The following MPRIP variants were observed in gnomAD, a reference collection of about 807,000 sequenced individuals.
MPRIP encodes the protein myosin phosphatase Rho interacting protein.
MPRIP carries 59 observed loss-of-function variants against 234.9 expected under a neutral mutation model. The ratio of observed to expected loss-of-function variants is 0.25; its 90% CI spans 0.20 to 0.31. The LOEUF is 0.31. MPRIP is among the 10% of genes least tolerant of loss of function. The pLI, the probability that MPRIP is intolerant of heterozygous loss-of-function variation, is 1.00. For missense variants in MPRIP, 2,436 were observed against 3,071.0 expected, an observed-to-expected ratio of 0.79 and a Z score of 4.89; for synonymous variants, 1,144 against 1,263.9, an observed-to-expected ratio of 0.91 and a Z score of 2.01.
At chr17:17,096,083 T>C (rs1437608925) in intron 3 of MPRIP, among the ~76,000 whole-genome samples, 4 of 152,232 alleles carry the variant, frequency 2.6e-5, no homozygotes, top group Non-Finnish European at 5.9e-5. Flanking sequence ...TGTGTTTAAC[T>C]GGAGGCCCCT....
Position 17,185,761 on chromosome 17 carries a change from T to A in MPRIP, c.*867T>A. On this transcript the variant is annotated 3_prime_UTR_variant, in exon 24 of 24. Transcript: ENST00000651222. ...GGTTTGGGGGTTTGGGTTTTTTTTT[T>A]ACCTTTTGGAAAAGAAACCGTCACA... The A allele has an allele frequency of 2.9e-6, 1 of 341,678 alleles. No homozygotes were observed. Among genetic ancestry groups the A allele is most frequent in the Non-Finnish European group, 5.8e-6 (1 of 173,868 alleles). The allele number at this position is 341,678 out of a possible 1,614,324, so 21.2% of individuals were successfully genotyped here.
At chr17:17,124,316 G>A (rs1246193990) in intron 3 of MPRIP, among the ~76,000 whole-genome samples, 2 of 152,218 alleles carry the variant, frequency 1.3e-5, no homozygotes, top group Admixed American at 6.5e-5. Flanking sequence ...AGTGGGGTCT[G>A]TGCCTCCAGG....
chr17:17,066,656 G>A (rs2089033151), intron 1 of MPRIP, among the ~76,000 whole-genome samples: 1 of 143,942 alleles, frequency 6.9e-6, no homozygotes, highest in Non-Finnish European at 1.5e-5. Flanking sequence ...CTTTCAGTTG[G>A]AACTCATTTT....
rs202109184 is a variant in MPRIP, at chr17:17,173,871, C to A, written c.6591-45C>A. 4.5e-5 allele frequency: 73 copies of A among 1,612,214 alleles called. No individual in the cohort carries two copies. In the East Asian group the frequency reaches 1.3e-3, roughly 29 times the overall value. ...GGAGGGACACCGGCCTCTGAGAGGCCTTGTCCAGAAGCAGGCAGAGGAGTG... is the reference window on the plus strand; with the variant it reads ...GGAGGGACACCGGCCTCTGAGAGGCATTGTCCAGAAGCAGGCAGAGGAGTG... On this transcript the variant is annotated intron_variant, in intron 18 of 23. Transcript: ENST00000651222.
At chr17:17,044,922 G>T (rs2088295661) in intron 1 of MPRIP, among the ~76,000 whole-genome samples, 1 of 152,142 alleles carries the variant, frequency 6.6e-6, no homozygotes, top group South Asian at 2.1e-4. Flanking sequence ...GGAGAGGTTA[G>T]CCCAGCATTC....
chr17:17,170,652 G>A (rs1048500442), intron 16 of MPRIP, among the ~76,000 whole-genome samples: 20 of 152,244 alleles, frequency 1.3e-4, no homozygotes, highest in Non-Finnish European at 2.1e-4. Flanking sequence ...CCAGAGTGGG[G>A]AAACCCCCAC....
At position 17,185,556 on chromosome 17, in the gene MPRIP, C is replaced by T. The variant is rs1353559128; in HGVS notation, c.*662C>T. 1 of 456,552 alleles carries T rather than the reference C, an allele frequency of 2.2e-6. No individual in the cohort carries two copies. The highest frequency in any genetic ancestry group is 4.4e-6 in the Non-Finnish European group (1 of 227,062). The allele number at this position is 456,552 out of a possible 1,614,324, so 28.3% of individuals were successfully genotyped here. A position where few individuals can be genotyped will look rare whatever the true frequency, so the allele number is the denominator to read the frequency against. ...TGTTTGTTTTTTATTAAATCTTGCACAAAATCCCCGGCCCCTCTCCTTCCT... is the reference window on the plus strand; with the variant it reads ...TGTTTGTTTTTTATTAAATCTTGCATAAAATCCCCGGCCCCTCTCCTTCCT... On this transcript the variant is annotated 3_prime_UTR_variant, in exon 24 of 24. Transcript: ENST00000651222.
intron 11 of MPRIP, chr17:17,149,611 C>A (rs537067414): frequency 6.6e-6 from 1 of 151,742 alleles, no homozygotes; most frequent in Non-Finnish European, 1.5e-5. Flanking sequence ...TGACTCTTAT[C>A]ACTGATTGTT....
intron 17 of MPRIP, 98 bp from the exon 18 acceptor site, chr17:17,172,600 T>C (rs2046164240): frequency 2.3e-6 from 2 of 860,696 alleles, no homozygotes; most frequent in Admixed American, 4.5e-5. Flanking sequence ...GCATCAGCAG[T>C]GGCAGGCGCC....
rs144250664 is a variant in MPRIP, at chr17:17,049,043, G to A, written c.123+6072G>A. Among the ~76,000 whole-genome samples, 4 of 152,178 alleles carry A rather than the reference G, an allele frequency of 2.6e-5. No individual in the cohort carries two copies. The East Asian group carries it at 5.8e-4, about 22-fold the overall frequency. ...TACTGAGACATGCCACAACATGGACGAACCTAGAAAACATTGCGCTAAGAG... is the reference window on the plus strand; with the variant it reads ...TACTGAGACATGCCACAACATGGACAAACCTAGAAAACATTGCGCTAAGAG... On this transcript the variant is annotated intron_variant, in intron 1 of 23. Transcript: ENST00000651222.
intron 9 of MPRIP, among the ~76,000 whole-genome samples, chr17:17,144,485 G>C (rs1309090201): frequency 6.6e-6 from 1 of 152,188 alleles, no homozygotes; most frequent in Non-Finnish European, 1.5e-5. Flanking sequence ...ACCTGCATAG[G>C]CCTTGCCATT....
chr17:17,105,663 G>A (rs761266904), intron 3 of MPRIP, among the ~76,000 whole-genome samples: 8 of 152,178 alleles, frequency 5.3e-5, no homozygotes, highest in Non-Finnish European at 8.8e-5. Flanking sequence ...CTGATTATCC[G>A]ACGTCCTGTA....
intron 6 of MPRIP, 88 bp downstream of exon 6, chr17:17,136,538 GAGCCCAGTCGCA>G: frequency 7.8e-7 from 1 of 1,282,474 alleles, no homozygotes; most frequent in South Asian, 1.4e-5. Flanking sequence ...AAGGCCTGTA[GAGCCCAGTCGCA>G]AGCCTGGACC....
chr17:17,177,440 T>G, intron 22 of MPRIP, 28 bp downstream of exon 22: 1 of 1,604,890 alleles, frequency 6.2e-7, no homozygotes, highest in Non-Finnish European at 8.5e-7. Context: ...GCCCTCTCGG[T>G]TATTGCTGGG....
chr17:17,111,682 C>T (rs544848600), intron 3 of MPRIP, among the ~76,000 whole-genome samples: 129 of 152,298 alleles, frequency 8.5e-4, no homozygotes, highest in Non-Finnish European at 1.5e-3. Context: ...CCTGTTAAAC[C>T]GAGGCAGCAG....
chr17:17,190,683 T>C lies in MPRIP; in HGVS notation c.*5789T>C, dbSNP rs973472999. 3 of 152,178 alleles carry C rather than the reference T, an allele frequency of 2.0e-5. No individual in the cohort carries two copies. The highest frequency in any genetic ancestry group is 7.2e-5 in the African/African-American group (3 of 41,428). The allele number at this position is 152,178 out of a possible 1,614,324, so 9.4% of individuals were successfully genotyped here. A position where few individuals can be genotyped will look rare whatever the true frequency, so the allele number is the denominator to read the frequency against. On this transcript the variant is annotated 3_prime_UTR_variant, in exon 24 of 24. Transcript: ENST00000651222. ...GAAATCCTTCAACAAAAGAAAAGGC[T>C]CTTGGCAGGGTAGGGGAGTCAGTAG...
chr17:17,116,234 T>G (rs1298614039), intron 3 of MPRIP, among the ~76,000 whole-genome samples: 1 of 152,192 alleles, frequency 6.6e-6, no homozygotes, highest in Non-Finnish European at 1.5e-5. Flanking sequence ...GGCAGACCTG[T>G]GGATGGGCCA....
intron 3 of MPRIP, among the ~76,000 whole-genome samples, chr17:17,084,698 G>C (rs2144101769): frequency 6.6e-6 from 1 of 152,352 alleles, no homozygotes; most frequent in Middle Eastern, 3.4e-3. Flanking sequence ...GCCAGGCAGG[G>C]CTCTCAGTGT....
In MPRIP at chr17:17,165,976, T is replaced by G. The variant is rs1279840360; in HGVS notation, c.4385T>G (p.Val1462Gly). ...AGGGCCAGGAGGGTTGAAGGGCATG[T>G]TGGAGAGCTTGGGGACTTCCAGGTC... is the stretch of plus-strand genomic sequence containing the variant. Reference protein sequence around the residue: ...QERARRVEGHVGELGDFQVKN... With the variant: ...QERARRVEGHGGELGDFQVKN... Residue 1462 changes from valine (V) to glycine (G), a missense_variant, in exon 16 of 24, where the codon GTT becomes GGT. Val to Gly is a moderately radical substitution (Grantham distance 109). Around this residue, in one of 4 missense-constraint regions of MPRIP, gnomAD observed 1,998 missense variants for 2,520.3 expected, o/e 0.79. Coordinates refer to ENST00000651222, the MANE Select transcript of MPRIP (RefSeq NM_001364716.4). 1 of 1,304,248 alleles carries G rather than the reference T, an allele frequency of 7.7e-7. No homozygotes were observed. 80.8% of individuals were successfully genotyped at this position (1,304,248 alleles called of 1,614,324 possible).
Sources: gnomAD v4.1 joint callset for allele counts (sites outside exome capture counted in the v4.1 genomes callset) on GRCh38, gnomAD v4.1.1 for gene constraint, gnomAD v4.1.1 regional missense constraint, MANE v1.5 for transcripts, NCBI Gene and HGNC (gene_info 2026-07-23, HGNC 2026-07-21) for gene names.